Variants in CNTNAP2 observed in about 807,000 individuals in gnomAD.
CNTNAP2 encodes contactin associated protein 2, also known as contactin-associated protein-like 2.
In CNTNAP2, 98 loss-of-function variants were observed where a neutral mutation model predicts 155.2. The observed-to-expected ratio is 0.63, with a 90% CI of 0.54 to 0.75. CNTNAP2 has a LOEUF of 0.75. Ranked by LOEUF, CNTNAP2 falls within the 30% of genes least tolerant of loss-of-function variation. The probability of loss-of-function intolerance (pLI) is 0.00; values close to 1 mark genes in which losing one functional copy is unlikely to be tolerated. For synonymous variants in CNTNAP2, 651 were observed against 631.2 expected, an observed-to-expected ratio of 1.03 and a Z score of -0.47; for missense variants, 1,727 against 1,688.1, an observed-to-expected ratio of 1.02 and a Z score of -0.40.
intron 1 of CNTNAP2, among the ~76,000 whole-genome samples, chr7:146,306,954 C>A (rs1466036246): frequency 2.0e-5 from 3 of 152,102 alleles, no homozygotes; most frequent in African/African-American, 7.2e-5. Flanking sequence ...CACTCCTATT[C>A]AACATAGTGT....
intron 15 of CNTNAP2, among the ~76,000 whole-genome samples, chr7:148,005,314 C>A (rs1166453021): frequency 2.0e-5 from 3 of 152,048 alleles, no homozygotes; most frequent in Admixed American, 1.3e-4. Flanking sequence ...TCCTAAAGAC[C>A]TAATAATCCC....
chr7:147,977,821 G>T, intron 14 of CNTNAP2, 41 bp from the exon 15 acceptor site: 4 of 1,613,292 alleles, frequency 2.5e-6, no homozygotes, highest in Non-Finnish European at 3.4e-6. Flanking sequence ...TATGTCTAAT[G>T]CAGCCTCCTC....
At chr7:148,404,960 T>TAA (rs1319928268) in intron 22 of CNTNAP2, among the ~76,000 whole-genome samples, 1 of 152,190 alleles carries the variant, frequency 6.6e-6, no homozygotes, top group Non-Finnish European at 1.5e-5. Context: ...TCTGCTCCTC[T>TAA]GCCAGTGGAG....
intron 15 of CNTNAP2, among the ~76,000 whole-genome samples, chr7:148,035,818 C>T (rs1802564356): frequency 6.6e-6 from 1 of 152,192 alleles, no homozygotes; most frequent in South Asian, 2.1e-4. Context: ...ATGAGAGCTC[C>T]TATGTGGGCT....
chr7:147,031,164 C>G (rs1799025332), intron 3 of CNTNAP2, among the ~76,000 whole-genome samples: 1 of 152,012 alleles, frequency 6.6e-6, no homozygotes, highest in Non-Finnish European at 1.5e-5. Context: ...TAACATATCA[C>G]AAAATGGATA....
chr7:147,340,924 T>C (rs1795750254), intron 9 of CNTNAP2, among the ~76,000 whole-genome samples: 1 of 152,024 alleles, frequency 6.6e-6, no homozygotes, highest in Non-Finnish European at 1.5e-5. Flanking sequence ...CCTATGACCT[T>C]ACTCTCCCCA....
rs71530760 is a variant in CNTNAP2 at position 146,769,349 on chromosome 7, A to T, written c.98-4922A>T. ...TCTCCAGGGATTTGACTGATTTCCT[A>T]GTATTTAATGTCTGCAGGAGATTGA... On this transcript the variant is annotated intron_variant, in intron 1 of 23. Transcript: ENST00000361727. Among the ~76,000 whole-genome samples, 4 of 152,328 alleles carry T rather than the reference A, an allele frequency of 2.6e-5. No individual in the cohort carries two copies. In the South Asian group the frequency reaches 8.3e-4, roughly 32 times the overall value.
At chr7:146,347,032 G>C (rs1047969577) in intron 1 of CNTNAP2, among the ~76,000 whole-genome samples, 1 of 150,958 alleles carries the variant, frequency 6.6e-6, no homozygotes, top group African/African-American at 2.4e-5. Context: ...TAAAAGGGTC[G>C]AGGTGGAATA....
At chr7:148,335,923 C>T (rs1270196144) in intron 21 of CNTNAP2, among the ~76,000 whole-genome samples, 1 of 152,020 alleles carries the variant, frequency 6.6e-6, no homozygotes, top group Non-Finnish European at 1.5e-5. Context: ...CCATATCTTT[C>T]ATGAAGCTGT....
chr7:148,330,882 T>C, intron 21 of CNTNAP2, among the ~76,000 whole-genome samples: 1 of 93,590 alleles, frequency 1.1e-5, no homozygotes, highest in African/African-American at 3.2e-5. Context: ...AGTGGCTGGA[T>C]GGAATGGATG....
intron 1 of CNTNAP2, among the ~76,000 whole-genome samples, chr7:146,290,755 G>T (rs545716836): frequency 5.9e-5 from 9 of 152,250 alleles, no homozygotes; most frequent in African/African-American, 2.2e-4. Flanking sequence ...TTTAATTTAT[G>T]ATGTAAGAAG....
At chr7:146,488,599 C>T (rs1236802762) in intron 1 of CNTNAP2, among the ~76,000 whole-genome samples, 3 of 151,922 alleles carry the variant, frequency 2.0e-5, no homozygotes, top group Non-Finnish European at 4.4e-5. Context: ...GCTCTTAAAA[C>T]AGAAGTTTTG....
intron 10 of CNTNAP2, among the ~76,000 whole-genome samples, chr7:147,464,935 C>A (rs951246639): frequency 2.9e-4 from 44 of 152,196 alleles, no homozygotes; most frequent in Non-Finnish European, 2.9e-5. Flanking sequence ...ATATGTATTT[C>A]ATTTGATGTG....
chr7:146,436,034 C>G (rs1639441), intron 1 of CNTNAP2, among the ~76,000 whole-genome samples: 5,429 of 152,174 alleles, frequency 0.036, 347 homozygotes, highest in African/African-American at 0.12. Flanking sequence ...TCACATTTCC[C>G]TATAATGCCG....
At chr7:146,881,906 G>A (rs558113942) in intron 3 of CNTNAP2, among the ~76,000 whole-genome samples, 17 of 151,876 alleles carry the variant, frequency 1.1e-4, no homozygotes, top group Middle Eastern at 3.4e-3. Flanking sequence ...AAATATATTC[G>A]TCGTCTAGAT....
intron 21 of CNTNAP2, among the ~76,000 whole-genome samples, chr7:148,302,630 A>T (rs1585255783): frequency 6.6e-6 from 1 of 152,046 alleles, no homozygotes; most frequent in Non-Finnish European, 1.5e-5. Context: ...TTCTCAGGAT[A>T]GTGAGTGAGT....
intron 2 of CNTNAP2, among the ~76,000 whole-genome samples, chr7:146,812,831 C>A (rs2129194195): frequency 6.6e-6 from 1 of 152,306 alleles, no homozygotes; most frequent in African/African-American, 2.4e-5. Context: ...GGACTGGACC[C>A]AGGGTCCCCC....
At chr7:147,596,684 C>A (rs1260923431) in intron 12 of CNTNAP2, among the ~76,000 whole-genome samples, 1 of 152,178 alleles carries the variant, frequency 6.6e-6, no homozygotes, top group African/African-American at 2.4e-5. Flanking sequence ...CAAACCAGAG[C>A]AACTCCATCT....
Position 147,501,791 on chromosome 7 carries a change from T to C in CNTNAP2, c.1777+15750T>C, listed in dbSNP as rs1397279941. ...ATCAGTTTATCAGTATGTGACCCCA[T>C]GGTAAATCCAGGAGCATCTACATAT... On this transcript the variant is annotated intron_variant, in intron 11 of 23. Transcript: ENST00000361727. Among the ~76,000 whole-genome samples the C allele has an allele frequency of 4.6e-5, 7 of 152,292 alleles. No homozygotes were observed. In the South Asian group the frequency reaches 1.5e-3, roughly 32 times the overall value.
Sources: gnomAD v4.1 joint callset for allele counts (sites outside exome capture counted in the v4.1 genomes callset) on GRCh38, gnomAD v4.1.1 for gene constraint, MANE v1.5 for transcripts, NCBI Gene and HGNC (gene_info 2026-07-23, HGNC 2026-07-21) for gene names.